VNN1: variants seen among roughly 807,000 people sequenced by gnomAD.
VNN1 encodes the protein vanin 1.
A neutral mutation model predicts 41.9 loss-of-function variants in VNN1; 29 were observed. The ratio of observed to expected loss-of-function variants is 0.69; its 90% CI spans 0.52 to 0.94. The LOEUF (loss-of-function observed/expected upper bound fraction) is 0.94, where lower values mean the gene tolerates loss of function less well. VNN1 is among the 40% of genes least tolerant of loss of function. The pLI is 0.00. For missense variants in VNN1, 637 were observed against 621.1 expected (o/e 1.03, Z -0.27); for synonymous variants, 233 against 224.4 (o/e 1.04, Z -0.34).
chr6:132,704,063 A>G (rs1778485402), intron 2 of VNN1, among the ~76,000 whole-genome samples: 1 of 152,168 alleles, frequency 6.6e-6, no homozygotes, highest in African/African-American at 2.4e-5. Context: ...TATAAAGGAC[A>G]TATTACTAGA....
rs1778124802 is a variant in VNN1, at chr6:132,681,692, T to C, written c.*1448A>G. Reference sequence around the variant, plus strand: ...AGAATACAGAGAATTGCTCTGAGGATTCCTGTTTCTAAATACATTATGGGC... The same window carrying C: ...AGAATACAGAGAATTGCTCTGAGGACTCCTGTTTCTAAATACATTATGGGC... On this transcript the variant is annotated 3_prime_UTR_variant, in exon 7 of 7. Transcript: ENST00000367928. 6.6e-6 allele frequency: 1 copy of C among 152,662 alleles called. No homozygotes were observed. Among genetic ancestry groups the C allele is most frequent in the Non-Finnish European group, 1.5e-5 (1 of 68,046 alleles). The allele number at this position is 152,662 out of a possible 1,614,324, so 9.5% of individuals were successfully genotyped here.
chr6:132,709,775 G>A (rs1378632138), intron 2 of VNN1, among the ~76,000 whole-genome samples: 1 of 152,080 alleles, frequency 6.6e-6, no homozygotes, highest in African/African-American at 2.4e-5. Flanking sequence ...GAAGTGAATG[G>A]GACATCCTTG....
At chr6:132,689,357 G>A (rs1481540476) in intron 5 of VNN1, among the ~76,000 whole-genome samples, 1 of 151,888 alleles carries the variant, frequency 6.6e-6, no homozygotes, top group Non-Finnish European at 1.5e-5. Flanking sequence ...TCTTCTTCTT[G>A]TCTCAGATAA....
intron 5 of VNN1, among the ~76,000 whole-genome samples, chr6:132,688,721 T>A (rs960421630): frequency 7.2e-5 from 11 of 152,354 alleles, no homozygotes; most frequent in African/African-American, 2.6e-4. Context: ...CTATATATGT[T>A]AATATAACAT....
chr6:132,685,218 A>G (rs1053097893), intron 5 of VNN1, among the ~76,000 whole-genome samples: 1 of 152,200 alleles, frequency 6.6e-6, no homozygotes, highest in Non-Finnish European at 1.5e-5. Context: ...GTACGTAGCT[A>G]TTTGAATATA....
chr6:132,703,992 A>G (rs1240984853), intron 2 of VNN1, among the ~76,000 whole-genome samples: 1 of 152,168 alleles, frequency 6.6e-6, no homozygotes, highest in African/African-American at 2.4e-5. Flanking sequence ...AAAGAGGTCA[A>G]TTCTGTCAGA....
chr6:132,681,750 C>G lies in VNN1; in HGVS notation c.*1390G>C, dbSNP rs1778125656. Reference sequence around the variant, plus strand: ...TTTTCTATTAGGTCTTGAAAAAAAGCAAATGTCAGTTAATGTCACCCAAAA... The same window carrying G: ...TTTTCTATTAGGTCTTGAAAAAAAGGAAATGTCAGTTAATGTCACCCAAAA... On this transcript the variant is annotated 3_prime_UTR_variant, in exon 7 of 7. Coordinates refer to ENST00000367928, the MANE Select transcript of VNN1 (RefSeq NM_004666.3). 6.6e-6 allele frequency: 1 copy of G among 152,420 alleles called. No individual in the cohort carries two copies. Among genetic ancestry groups the G allele is most frequent in the Non-Finnish European group, 1.5e-5 (1 of 67,992 alleles). 9.4% of individuals were successfully genotyped at this position (152,420 alleles called of 1,614,324 possible). A position where few individuals can be genotyped will look rare whatever the true frequency, so the allele number is the denominator to read the frequency against.
intron 2 of VNN1, among the ~76,000 whole-genome samples, chr6:132,704,037 C>A (rs114007211): frequency 1.3e-5 from 2 of 152,114 alleles, no homozygotes; most frequent in African/African-American, 2.4e-5. Context: ...TGTGCTAACA[C>A]TTGAGCACAC....
At chr6:132,690,743 A>G (rs1778270972) in intron 5 of VNN1, among the ~76,000 whole-genome samples, 1 of 151,732 alleles carries the variant, frequency 6.6e-6, no homozygotes, top group South Asian at 2.1e-4. Flanking sequence ...TAGGGTAGTT[A>G]TCATAGAGCA....
chr6:132,693,501 T>G (rs1254043224), intron 3 of VNN1, among the ~76,000 whole-genome samples, 186 bp from the exon 4 acceptor site: 7 of 152,180 alleles, frequency 4.6e-5, no homozygotes, highest in Non-Finnish European at 1.0e-4. Context: ...TTTAGTTCAG[T>G]CTCCACATTA....
chr6:132,700,927 TA>T (rs2114360694), intron 2 of VNN1, among the ~76,000 whole-genome samples: 1 of 152,270 alleles, frequency 6.6e-6, no homozygotes, highest in East Asian at 1.9e-4. Context: ...TCCATAATGG[TA>T]TAATGGATTT....
At chr6:132,703,093 G>C (rs1778470834) in intron 2 of VNN1, among the ~76,000 whole-genome samples, 1 of 152,158 alleles carries the variant, frequency 6.6e-6, no homozygotes, top group Non-Finnish European at 1.5e-5. Flanking sequence ...CTTAGCTCCT[G>C]GATGGCATTT....
intron 2 of VNN1, among the ~76,000 whole-genome samples, chr6:132,711,218 T>G (rs1340391573): frequency 6.6e-6 from 1 of 152,212 alleles, no homozygotes; most frequent in African/African-American, 2.4e-5. Context: ...ATAGTGCTGC[T>G]TTCACCACAC....
chr6:132,685,784 T>A (rs1778196682), intron 5 of VNN1, among the ~76,000 whole-genome samples: 1 of 152,094 alleles, frequency 6.6e-6, no homozygotes, highest in Non-Finnish European at 1.5e-5. Context: ...GGATACTAAG[T>A]CCTCCAAAAA....
chr6:132,708,801 A>G (rs1280826726), intron 2 of VNN1, among the ~76,000 whole-genome samples: 1 of 152,096 alleles, frequency 6.6e-6, no homozygotes, highest in African/African-American at 2.4e-5. Context: ...TTGGTGACCT[A>G]TACCCTGGAG....
At chr6:132,709,699 A>G (rs1357435628) in intron 2 of VNN1, among the ~76,000 whole-genome samples, 2 of 151,786 alleles carry the variant, frequency 1.3e-5, no homozygotes, top group Non-Finnish European at 2.9e-5. Flanking sequence ...AGAGAGAATT[A>G]AGGCAAGACA....
intron 6 of VNN1, among the ~76,000 whole-genome samples, chr6:132,683,997 C>T (rs988510412): frequency 2.6e-5 from 4 of 152,184 alleles, no homozygotes; most frequent in African/African-American, 9.7e-5. Flanking sequence ...CTTTCAACTT[C>T]CCTAGGCCAT....
At chr6:132,702,960 T>C (rs924411119) in intron 2 of VNN1, among the ~76,000 whole-genome samples, 2 of 152,094 alleles carry the variant, frequency 1.3e-5, no homozygotes, top group African/African-American at 2.4e-5. Context: ...GTTGTAGCCA[T>C]GGGGAGGCAT....
intron 5 of VNN1, among the ~76,000 whole-genome samples, chr6:132,687,244 G>A (rs1011847926): frequency 2.6e-5 from 4 of 152,192 alleles, no homozygotes; most frequent in African/African-American, 7.2e-5. Context: ...TCACAATCCT[G>A]AAGAAAAGTC....
Sources: allele counts gnomAD v4.1 joint callset (sites outside exome capture counted in the v4.1 genomes callset), GRCh38; gene constraint gnomAD v4.1.1; transcripts MANE v1.5; gene names NCBI Gene and HGNC (gene_info 2026-07-23, HGNC 2026-07-21).